The following ITPR1 variants were observed in gnomAD, a reference collection of about 807,000 sequenced individuals.
ITPR1 encodes inositol 1,4,5-trisphosphate-gated calcium channel ITPR1.
ITPR1 carries 96 observed loss-of-function variants against 318.4 expected under a neutral mutation model. That is an observed-to-expected ratio of 0.30 (90% confidence interval 0.26 to 0.36). ITPR1 has a LOEUF of 0.36. ITPR1 is among the 10% of genes least tolerant of loss of function. The probability of loss-of-function intolerance (pLI) is 1.00; values close to 1 mark genes in which losing one functional copy is unlikely to be tolerated. For synonymous variants in ITPR1, 1,312 were observed against 1,289.9 expected (o/e 1.02, Z -0.37); for missense variants, 2,440 against 3,460.2 (o/e 0.71, Z 7.40).
intron 56 of ITPR1, 147 bp from the exon 57 acceptor site, chr3:4,812,995 A>G: frequency 1.5e-6 from 1 of 674,788 alleles, no homozygotes; most frequent in South Asian, 1.8e-5. Context: ...GAAAGTGTAA[A>G]TTGCATTTCT....
chr3:4,567,928 G>C (rs2125030438), intron 4 of ITPR1, among the ~76,000 whole-genome samples: 1 of 152,312 alleles, frequency 6.6e-6, no homozygotes, highest in South Asian at 2.1e-4. Flanking sequence ...AAAGGTGTGA[G>C]AGGTTCAATG....
chr3:4,773,075 T>G (rs982878870), intron 46 of ITPR1, among the ~76,000 whole-genome samples: 14 of 152,234 alleles, frequency 9.2e-5, no homozygotes, highest in Non-Finnish European at 1.3e-4. Flanking sequence ...GTCAACGTGG[T>G]CCTTGGTGAG....
At chr3:4,637,961 A>G (rs1477211801) in intron 5 of ITPR1, among the ~76,000 whole-genome samples, 3 of 152,214 alleles carry the variant, frequency 2.0e-5, no homozygotes, top group Non-Finnish European at 4.4e-5. Context: ...AATGGCAATT[A>G]TGTGTCTGGC....
chr3:4,737,444 A>G (rs2043357977), intron 44 of ITPR1, among the ~76,000 whole-genome samples: 1 of 152,120 alleles, frequency 6.6e-6, no homozygotes, highest in Non-Finnish European at 1.5e-5. Flanking sequence ...GGGCATAAGG[A>G]ATCTTTGTCA....
At chr3:4,762,231 G>A (rs2045505335) in intron 44 of ITPR1, among the ~76,000 whole-genome samples, 2 of 152,114 alleles carry the variant, frequency 1.3e-5, no homozygotes, top group South Asian at 4.2e-4. Flanking sequence ...CTTGTAACTA[G>A]CTCCATGGGT....
intron 60 of ITPR1, among the ~76,000 whole-genome samples, chr3:4,828,090 C>A (rs1296396990): frequency 6.6e-6 from 1 of 151,946 alleles, no homozygotes; most frequent in Non-Finnish European, 1.5e-5. Flanking sequence ...AACGTGGTTG[C>A]GTTGAAGCAG....
At chr3:4,639,284 G>A (rs1036212900) in intron 5 of ITPR1, 100 bp from the exon 6 acceptor site, 4 of 876,422 alleles carry the variant, frequency 4.6e-6, no homozygotes, top group Middle Eastern at 4.3e-4. Flanking sequence ...GCGTATTTCG[G>A]TGGTTCTTGT....
rs147168979 is a variant in ITPR1 at position 4,773,623 on chromosome 3, C to T, written c.5980-1619C>T. On this transcript the variant is annotated intron_variant, in intron 46 of 61. Coordinates refer to ENST00000649015, the MANE Select transcript of ITPR1 (RefSeq NM_001378452.1). ...AGGAGAGCCTTGCTGTGAATTTCAG[C>T]CATGGACAGCCAGGACCTCTCCAGA... 4.7e-3 allele frequency among the ~76,000 whole-genome samples: 713 copies of T among 152,274 alleles called. 2 individuals are homozygous for T. The highest frequency in any genetic ancestry group is 0.017 in the African/African-American group (691 of 41,552).
intron 2 of ITPR1, among the ~76,000 whole-genome samples, chr3:4,512,691 T>C (rs968102827): frequency 1.3e-5 from 2 of 152,150 alleles, no homozygotes; most frequent in Non-Finnish European, 2.9e-5. Flanking sequence ...ATAACTAGCA[T>C]AGATTAATTC....
At chr3:4,818,940 A>AG (rs1281194366) in intron 60 of ITPR1, among the ~76,000 whole-genome samples, 2 of 152,142 alleles carry the variant, frequency 1.3e-5, no homozygotes, top group African/African-American at 4.8e-5. Context: ...TAAAATGTTC[A>AG]GGGGTGGATA....
In ITPR1 at chr3:4,507,098, A is replaced by G. The variant is rs527617242; in HGVS notation, c.-16-9378A>G. Among the ~76,000 whole-genome samples, 410 of 151,302 alleles carry G rather than the reference A, an allele frequency of 2.7e-3. 2 individuals are homozygous for G. The highest frequency in any genetic ancestry group is 9.4e-3 in the African/African-American group (385 of 40,920). ...AAACAAAAATTTTGAGAAGAGTAGC[A>G]ATTTTTTTTTTTTTTTTTTGCGAAT... is the stretch of plus-strand genomic sequence containing the variant. On this transcript the variant is annotated intron_variant, in intron 2 of 61. Transcript: ENST00000649015.
intron 2 of ITPR1, among the ~76,000 whole-genome samples, chr3:4,496,663 G>A (rs1383148886): frequency 6.6e-6 from 1 of 152,154 alleles, no homozygotes; most frequent in Non-Finnish European, 1.5e-5. Context: ...GGAAGATCAG[G>A]GTGTTGGTAT....
At chr3:4,757,529 G>T (rs984115075) in intron 44 of ITPR1, among the ~76,000 whole-genome samples, 1 of 152,136 alleles carries the variant, frequency 6.6e-6, no homozygotes, top group Admixed American at 6.5e-5. Flanking sequence ...ACAGACTCTT[G>T]CTCAGGGGAG....
In ITPR1 at chr3:4,524,315, T is replaced by TG. The variant is rs1353023540; in HGVS notation, c.163+3221_163+3222insG. 5.0e-4 allele frequency among the ~76,000 whole-genome samples: 76 copies of TG among 150,580 alleles called. 1 individual carries two copies. Among genetic ancestry groups the TG allele is most frequent in the African/African-American group, 1.8e-3 (76 of 41,098 alleles). On this transcript the variant is annotated intron_variant, in intron 4 of 61. Coordinates refer to ENST00000649015, the MANE Select transcript of ITPR1 (RefSeq NM_001378452.1). The stretch of plus-strand genomic sequence containing the variant: ...CATACTTTGACGTTTTTTTTTTTTT[T>TG]TTTTTTTTTTTTTAAATGAAGAGAA...
chr3:4,799,842 T>C (rs2048110858), intron 53 of ITPR1: 1 of 152,332 alleles, frequency 6.6e-6, no homozygotes, highest in Non-Finnish European at 1.5e-5. Context: ...TCTCCTTCCC[T>C]TGGAGAAATC....
At chr3:4,496,173 C>T (rs1205865341) in intron 2 of ITPR1, among the ~76,000 whole-genome samples, 3 of 152,208 alleles carry the variant, frequency 2.0e-5, no homozygotes, top group South Asian at 4.1e-4. Flanking sequence ...AAGGATCAGG[C>T]GTTTCCCCAT....
chr3:4,513,517 G>T (rs942510651), intron 2 of ITPR1, among the ~76,000 whole-genome samples: 3 of 152,138 alleles, frequency 2.0e-5, no homozygotes, highest in African/African-American at 7.2e-5. Flanking sequence ...AGCTGTGGTG[G>T]GTGGACTGGC....
chr3:4,707,247 T>G (rs114337687), intron 37 of ITPR1, among the ~76,000 whole-genome samples: 5,158 of 152,338 alleles, frequency 0.034, 124 homozygotes, highest in Middle Eastern at 0.051. Flanking sequence ...CTTTTGCTCT[T>G]CTGGAGGTTG....
intron 46 of ITPR1, among the ~76,000 whole-genome samples, chr3:4,771,849 T>C (rs984288655): frequency 6.6e-6 from 1 of 152,092 alleles, no homozygotes; most frequent in African/African-American, 2.4e-5. Context: ...GGATCCTTTG[T>C]TGAAATATAC....
Sources: allele counts gnomAD v4.1 joint callset (sites outside exome capture counted in the v4.1 genomes callset), GRCh38; gene constraint gnomAD v4.1.1; transcripts MANE v1.5; gene names NCBI Gene and HGNC (gene_info 2026-07-23, HGNC 2026-07-21).